PRKAR2B: variants seen among roughly 807,000 people sequenced by gnomAD.
The protein encoded by PRKAR2B is cAMP-dependent protein kinase type II-beta regulatory subunit.
A neutral mutation model predicts 49.9 loss-of-function variants in PRKAR2B; 14 were observed. The ratio of observed to expected loss-of-function variants is 0.28; its 90% confidence interval spans 0.19 to 0.44. PRKAR2B has a LOEUF of 0.44. PRKAR2B is among the 20% of genes least tolerant of loss of function. The pLI is 1.00. For synonymous variants in PRKAR2B, 196 were observed against 197.7 expected, an observed-to-expected ratio of 0.99 and a Z score of 0.07; for missense variants, 393 against 537.9, an observed-to-expected ratio of 0.73 and a Z score of 2.67.
At position 107,103,531 on chromosome 7, in the gene PRKAR2B, C is replaced by T. The variant is rs116060478; in HGVS notation, c.344-18421C>T. On this transcript the variant is annotated intron_variant, in intron 2 of 10. Transcript: ENST00000265717. Reference sequence around the variant, plus strand: ...GACGGACATGCAGGAAGTCTAGAAGCTCAGATAGCCTGAGGCTGGGTCCTG... The same window carrying T: ...GACGGACATGCAGGAAGTCTAGAAGTTCAGATAGCCTGAGGCTGGGTCCTG... Among the ~76,000 whole-genome samples the T allele has an allele frequency of 3.1e-3, 477 of 152,324 alleles. 4 individuals are homozygous for T. The highest frequency in any genetic ancestry group is 0.011 in the African/African-American group (467 of 41,562).
intron 2 of PRKAR2B, among the ~76,000 whole-genome samples, chr7:107,099,678 G>C (rs1368241877): frequency 7.1e-6 from 1 of 141,474 alleles, no homozygotes; most frequent in East Asian, 2.1e-4. Flanking sequence ...TCACTCTGTT[G>C]CCCAGGCTGG....
chr7:107,087,095 C>A (rs1794635222), intron 2 of PRKAR2B, among the ~76,000 whole-genome samples: 1 of 152,048 alleles, frequency 6.6e-6, no homozygotes, highest in South Asian at 2.1e-4. Context: ...GTATGCCCCT[C>A]TGAAATAGTA....
chr7:107,078,972 G>A (rs1794461866), intron 2 of PRKAR2B, among the ~76,000 whole-genome samples: 1 of 152,214 alleles, frequency 6.6e-6, no homozygotes, highest in African/African-American at 2.4e-5. Flanking sequence ...GCCAGTCGAT[G>A]TGGAAGGGCT....
rs182476338 is a variant in PRKAR2B, at chr7:107,128,006, G to A, written c.397-206G>A. Among the ~76,000 whole-genome samples, 387 of 152,254 alleles carry A rather than the reference G, an allele frequency of 2.5e-3. 1 individual carries two copies. The highest frequency in any genetic ancestry group is 8.9e-3 in the African/African-American group (370 of 41,548). On this transcript the variant is annotated intron_variant, in intron 3 of 10. Transcript: ENST00000265717. Reference sequence around the variant, plus strand: ...TGATGAATGGATACCAACCTCCCCCGAACAAGGTGAATTATGTTCCCCTAC... The same window carrying A: ...TGATGAATGGATACCAACCTCCCCCAAACAAGGTGAATTATGTTCCCCTAC...
chr7:107,104,867 T>A (rs1795044390), intron 2 of PRKAR2B, among the ~76,000 whole-genome samples: 1 of 152,142 alleles, frequency 6.6e-6, no homozygotes, highest in Admixed American at 6.5e-5. Context: ...TGTGTAAGAA[T>A]TAGGAGCTAT....
chr7:107,088,744 CG>C (rs946720786), intron 2 of PRKAR2B, among the ~76,000 whole-genome samples: 85 of 152,142 alleles, frequency 5.6e-4, no homozygotes, highest in African/African-American at 1.7e-3. Context: ...GGGCTACAGG[CG>C]TGTGTTACCA....
chr7:107,078,003 A>C (rs1390511771), intron 2 of PRKAR2B: 1 of 152,246 alleles, frequency 6.6e-6, no homozygotes, highest in Non-Finnish European at 1.5e-5. Context: ...GGAGTTCAAG[A>C]CCAGCCTGGC....
At chr7:107,155,842 A>T (rs1244923396) in intron 8 of PRKAR2B, among the ~76,000 whole-genome samples, 1 of 152,224 alleles carries the variant, frequency 6.6e-6, no homozygotes, top group Non-Finnish European at 1.5e-5. Context: ...AATAACAAAG[A>T]CATGGAACCA....
intron 1 of PRKAR2B, among the ~76,000 whole-genome samples, chr7:107,058,155 A>T (rs1793950969): frequency 6.6e-6 from 1 of 152,118 alleles, no homozygotes. Flanking sequence ...GAGTAAATAG[A>T]TGTGTGTGTA....
At chr7:107,054,223 A>G (rs763725228) in intron 1 of PRKAR2B, among the ~76,000 whole-genome samples, 1 of 152,042 alleles carries the variant, frequency 6.6e-6, no homozygotes, top group Non-Finnish European at 1.5e-5. Flanking sequence ...GCGTGGTGGC[A>G]GTTGCCTGTA....
intron 2 of PRKAR2B, among the ~76,000 whole-genome samples, chr7:107,103,977 G>A (rs2116816604): frequency 6.6e-6 from 1 of 152,188 alleles, no homozygotes; most frequent in African/African-American, 2.4e-5. Context: ...CCAAACCTGG[G>A]AATCCAAATC....
At chr7:107,101,135 A>ATTTTTTTTTTTTTTTT (rs950761298) in intron 2 of PRKAR2B, among the ~76,000 whole-genome samples, 2 of 94,690 alleles carry the variant, frequency 2.1e-5, no homozygotes, top group African/African-American at 4.2e-5. Context: ...GTTGTTGCTT[A>ATTTTTTTTTTTTTTTT]TTTTTTTTTT....
chr7:107,119,622 A>C (rs1199164752), intron 2 of PRKAR2B, among the ~76,000 whole-genome samples: 1 of 152,176 alleles, frequency 6.6e-6, no homozygotes, highest in Non-Finnish European at 1.5e-5. Flanking sequence ...GGCCATCCCT[A>C]TTGAGTGCCT....
At chr7:107,064,346 T>G (rs1175100759) in intron 1 of PRKAR2B, among the ~76,000 whole-genome samples, 4 of 152,182 alleles carry the variant, frequency 2.6e-5, no homozygotes, top group African/African-American at 9.7e-5. Flanking sequence ...ATTCGGTTAG[T>G]AAATATAAAG....
intron 8 of PRKAR2B, among the ~76,000 whole-genome samples, chr7:107,154,430 A>G (rs1796043257): frequency 6.6e-6 from 1 of 152,234 alleles, no homozygotes; most frequent in South Asian, 2.1e-4. Context: ...AAAATTACTC[A>G]GCAGTTAATA....
In PRKAR2B at chr7:107,151,041, C is replaced by G; in HGVS notation, c.843+18C>G. 1 of 1,383,588 alleles carries G rather than the reference C, an allele frequency of 7.2e-7. No individual in the cohort carries two copies. The highest frequency in any genetic ancestry group is 9.8e-7 in the Non-Finnish European group (1 of 1,024,528). The allele number at this position is 1,383,588 out of a possible 1,614,324, so 85.7% of individuals were successfully genotyped here. ...CTTTGGAGGTAAGTATATGTTTATGCTTTTATTTTATTTTGCTTTAAAAGT... is the reference window on the plus strand; with the variant it reads ...CTTTGGAGGTAAGTATATGTTTATGGTTTTATTTTATTTTGCTTTAAAAGT... On this transcript the variant is annotated intron_variant, in intron 7 of 10. Coordinates refer to ENST00000265717, the MANE Select transcript of PRKAR2B (RefSeq NM_002736.3).
At chr7:107,082,410 G>A (rs1285417478) in intron 2 of PRKAR2B, among the ~76,000 whole-genome samples, 1 of 151,968 alleles carries the variant, frequency 6.6e-6, no homozygotes, top group African/African-American at 2.4e-5. Flanking sequence ...TTTATATGAA[G>A]AGAGCTATTT....
chr7:107,136,490 G>A (rs533868279), intron 4 of PRKAR2B, among the ~76,000 whole-genome samples: 1 of 152,174 alleles, frequency 6.6e-6, no homozygotes, highest in Non-Finnish European at 1.5e-5. Flanking sequence ...TTAAAAAATT[G>A]GACCAAAGAT....
chr7:107,101,135 ATT>A (rs950761298), intron 2 of PRKAR2B, among the ~76,000 whole-genome samples: 8,546 of 94,652 alleles, frequency 0.09, 68 homozygotes, highest in Middle Eastern at 0.16. Flanking sequence ...GTTGTTGCTT[ATT>A]TTTTTTTTTT....
Sources: allele counts gnomAD v4.1 joint callset (sites outside exome capture counted in the v4.1 genomes callset), GRCh38; gene constraint gnomAD v4.1.1; transcripts MANE v1.5; gene names NCBI Gene and HGNC (gene_info 2026-07-23, HGNC 2026-07-21).